Variants in MICU2 observed in about 807,000 individuals in gnomAD.
MICU2 encodes the protein mitochondrial calcium uptake 2, also known as calcium uptake protein 2, mitochondrial.
Under a neutral mutation model 60.4 loss-of-function variants are expected in MICU2, and 64 were observed. The ratio of observed to expected loss-of-function variants is 1.06; its 90% CI spans 0.87 to 1.31. The LOEUF is 1.31. MICU2 is among the 50% of genes most tolerant of loss of function. The probability of loss-of-function intolerance (pLI) is 0.00; values close to 1 mark genes in which losing one functional copy is unlikely to be tolerated. For missense variants in MICU2, 569 were observed against 531.0 expected, an observed-to-expected ratio of 1.07 and a Z score of -0.70; for synonymous variants, 201 against 175.0, an observed-to-expected ratio of 1.15 and a Z score of -1.17.
At chr13:21,546,094 T>C (rs1887411355) in intron 2 of MICU2, among the ~76,000 whole-genome samples, 2 of 152,162 alleles carry the variant, frequency 1.3e-5, no homozygotes, top group Admixed American at 6.5e-5. Context: ...ACAAATTCAG[T>C]GGTGCTATTT....
At chr13:21,537,841 C>A (rs1887172789) in intron 4 of MICU2, among the ~76,000 whole-genome samples, 1 of 152,196 alleles carries the variant, frequency 6.6e-6, no homozygotes, top group African/African-American at 2.4e-5. Flanking sequence ...ATTTGCTTGC[C>A]AGTAATTTGC....
At chr13:21,586,178 T>C (rs1888452778) in intron 1 of MICU2, among the ~76,000 whole-genome samples, 1 of 152,202 alleles carries the variant, frequency 6.6e-6, no homozygotes, top group South Asian at 2.1e-4. Flanking sequence ...CTATCTGGGT[T>C]ACCCGCTCCA....
chr13:21,558,394 C>A (rs774041473), intron 2 of MICU2, among the ~76,000 whole-genome samples: 1 of 152,194 alleles, frequency 6.6e-6, no homozygotes, highest in Non-Finnish European at 1.5e-5. Flanking sequence ...CAGGAGGGCT[C>A]CTTATAGCTG....
intron 2 of MICU2, among the ~76,000 whole-genome samples, chr13:21,540,045 TTTCA>T (rs752631825): frequency 6.6e-6 from 1 of 152,224 alleles, no homozygotes; most frequent in African/African-American, 2.4e-5. Context: ...CTCTTTTTAC[TTTCA>T]TTGATTTAGA....
At chr13:21,495,545 A>C in intron 10 of MICU2, 1 of 438,524 alleles carries the variant, frequency 2.3e-6, no homozygotes, top group Non-Finnish European at 4.0e-6. Flanking sequence ...CAATGCTCTA[A>C]ACATATATTT....
At chr13:21,527,241 T>G (rs1397058024) in intron 4 of MICU2, among the ~76,000 whole-genome samples, 1 of 152,198 alleles carries the variant, frequency 6.6e-6, no homozygotes, top group Non-Finnish European at 1.5e-5. Context: ...AGCTGAAAGA[T>G]CAAAGTATTT....
chr13:21,504,330 G>GGTA (rs1425610307), intron 8 of MICU2, among the ~76,000 whole-genome samples: 1 of 151,852 alleles, frequency 6.6e-6, no homozygotes, highest in East Asian at 1.9e-4. Context: ...ACTGAATTAG[G>GGTA]CAAGCAGAAG....
chr13:21,546,966 G>C (rs1887433615), intron 2 of MICU2, among the ~76,000 whole-genome samples: 1 of 152,084 alleles, frequency 6.6e-6, no homozygotes, highest in African/African-American at 2.4e-5. Flanking sequence ...TTTTAAATGT[G>C]TAGGTCTCAT....
At chr13:21,506,051 G>T (rs766094969) in intron 8 of MICU2, among the ~76,000 whole-genome samples, 2 of 150,748 alleles carry the variant, frequency 1.3e-5, no homozygotes, top group Non-Finnish European at 2.9e-5. Flanking sequence ...TGAAGACAGG[G>T]TCTCACTCTG....
At chr13:21,515,054 A>C (rs933888619) in intron 6 of MICU2, among the ~76,000 whole-genome samples, 8 of 150,842 alleles carry the variant, frequency 5.3e-5, no homozygotes, top group African/African-American at 2.0e-4. Context: ...TAGTTGTATC[A>C]CTAGTTTATG....
At chr13:21,514,204 T>C in intron 7 of MICU2, 149 bp downstream of exon 7, 1 of 600,870 alleles carries the variant, frequency 1.7e-6, no homozygotes, top group South Asian at 2.3e-5. Context: ...TGCAGTCTGT[T>C]GTTGACTGAA....
intron 1 of MICU2, among the ~76,000 whole-genome samples, chr13:21,598,503 G>A (rs1303829888): frequency 2.6e-5 from 4 of 152,116 alleles, no homozygotes; most frequent in Non-Finnish European, 5.9e-5. Context: ...ATCACCTGAG[G>A]TCAAGAGTTC....
chr13:21,514,246 A>C (rs1886505214), intron 7 of MICU2, 107 bp downstream of exon 7: 2 of 940,836 alleles, frequency 2.1e-6, no homozygotes, highest in Non-Finnish European at 3.2e-6. Context: ...TATTAAAAAA[A>C]TTAAATTGCT....
intron 4 of MICU2, chr13:21,530,811 C>T (rs1886977158): frequency 1.4e-6 from 1 of 717,050 alleles, no homozygotes; most frequent in Non-Finnish European, 2.4e-6. Flanking sequence ...GCGGCCGAGG[C>T]CAGGCAAGCC....
chr13:21,504,628 T>C (rs1886250777), intron 8 of MICU2, among the ~76,000 whole-genome samples: 1 of 152,232 alleles, frequency 6.6e-6, no homozygotes, highest in East Asian at 1.9e-4. Flanking sequence ...TTATAGTAGA[T>C]AAGGCTGCCA....
chr13:21,513,368 T>A (rs1234789537), intron 7 of MICU2, among the ~76,000 whole-genome samples: 5 of 152,114 alleles, frequency 3.3e-5, no homozygotes, highest in African/African-American at 1.2e-4. Flanking sequence ...GTATGTTAGC[T>A]GTAGGTTTTT....
chr13:21,544,319 A>C (rs903466454), intron 2 of MICU2, among the ~76,000 whole-genome samples: 1 of 152,144 alleles, frequency 6.6e-6, no homozygotes, highest in Non-Finnish European at 1.5e-5. Context: ...GTGAGATGAT[A>C]CCAAACTTAA....
At chr13:21,562,230 G>A (rs1887863700) in intron 2 of MICU2, among the ~76,000 whole-genome samples, 1 of 152,198 alleles carries the variant, frequency 6.6e-6, no homozygotes, top group South Asian at 2.1e-4. Context: ...TATACCCAGT[G>A]ATGGGATGGC....
chr13:21,500,132 T>C (rs567497702), intron 9 of MICU2, among the ~76,000 whole-genome samples: 1 of 134,782 alleles, frequency 7.4e-6, no homozygotes, highest in East Asian at 2.7e-4. Flanking sequence ...GGGCAGCATC[T>C]ACCTGGGCCT....
Sources: gnomAD v4.1 joint callset for allele counts (sites outside exome capture counted in the v4.1 genomes callset) on GRCh38, gnomAD v4.1.1 for gene constraint, MANE v1.5 for transcripts, NCBI Gene and HGNC (gene_info 2026-07-23, HGNC 2026-07-21) for gene names.